C8orf74: variants seen among roughly 807,000 people sequenced by gnomAD.
The protein encoded by C8orf74 is uncharacterized protein C8orf74.
Under a neutral mutation model 22.2 loss-of-function variants are expected in C8orf74, and 29 were observed. The observed-to-expected ratio is 1.31, with a 90% CI of 0.97 to 1.78. The LOEUF is 1.78. Among genes scored for constraint, C8orf74 ranks in the 40% most tolerant of loss-of-function variants. The pLI is 0.00. For synonymous variants in C8orf74, 255 were observed against 163.1 expected, an observed-to-expected ratio of 1.56 and a Z score of -4.30; for missense variants, 515 against 369.9, an observed-to-expected ratio of 1.39 and a Z score of -3.22.
rs576547944 is a variant in C8orf74, at chr8:10,695,554, T to C, written c.242-2045T>C. Reference sequence around the variant, plus strand: ...TGCTAATATTTTCCCAAGACCATGATGTCTCCACCCCCTGGGTATTTTGGG... The same window carrying C: ...TGCTAATATTTTCCCAAGACCATGACGTCTCCACCCCCTGGGTATTTTGGG... On this transcript the variant is annotated intron_variant, in intron 2 of 3. Transcript: ENST00000304519. Among the ~76,000 whole-genome samples the C allele has an allele frequency of 5.9e-5, 9 of 152,194 alleles. 1 individual carries two copies. The highest frequency in any genetic ancestry group is 1.3e-4 in the Non-Finnish European group (9 of 68,042).
intron 2 of C8orf74, among the ~76,000 whole-genome samples, chr8:10,693,981 A>G (rs1228224418): frequency 6.6e-6 from 1 of 152,160 alleles, no homozygotes; most frequent in African/African-American, 2.4e-5. Flanking sequence ...GCTCCCACCC[A>G]GGCCAGGCTG....
chr8:10,694,416 A>T (rs1164707898), intron 2 of C8orf74, among the ~76,000 whole-genome samples: 1 of 152,140 alleles, frequency 6.6e-6, no homozygotes, highest in Non-Finnish European at 1.5e-5. Flanking sequence ...TGGGAGAAAG[A>T]TCCGTTCCTT....
At chr8:10,678,392 A>G (rs1303611305) in intron 2 of C8orf74, among the ~76,000 whole-genome samples, 1 of 152,174 alleles carries the variant, frequency 6.6e-6, no homozygotes, top group African/African-American at 2.4e-5. Flanking sequence ...TAGGAGACAC[A>G]AGGACCTGGG....
Position 10,700,290 on chromosome 8 carries a change from A to T in C8orf74, c.704A>T (p.Glu235Val), listed in dbSNP as rs1799626717. 1.2e-6 allele frequency: 2 copies of T among 1,613,394 alleles called. No homozygotes were observed. The highest frequency in any genetic ancestry group is 2.7e-5 in the African/African-American group (2 of 74,914). Reference protein sequence around the residue: ...AVHTQMELLQELLQRQIQNTF... With the variant: ...AVHTQMELLQVLLQRQIQNTF... ...CACACCCAGATGGAGCTCCTGCAGG[A>T]GCTGCTGCAGCGCCAGATCCAGAAC... is the stretch of plus-strand genomic sequence containing the variant. The change falls in exon 4 of 4, where the codon GAG becomes GTG. Residue 235 changes from glutamate to valine, a missense_variant. Physicochemically the swap from Glu to Val is moderately radical, Grantham distance 121. Coordinates refer to ENST00000304519, the MANE Select transcript of C8orf74 (RefSeq NM_001040032.2).
intron 2 of C8orf74, chr8:10,692,645 T>A (rs79678082): frequency 6.6e-6 from 1 of 152,262 alleles, no homozygotes; most frequent in African/African-American, 2.4e-5. Context: ...TAGCTGGGAC[T>A]AAAGGCATGC....
At chr8:10,693,246 C>T (rs1799422240) in intron 2 of C8orf74, among the ~76,000 whole-genome samples, 3 of 152,226 alleles carry the variant, frequency 2.0e-5, no homozygotes, top group Admixed American at 1.3e-4. Context: ...TGCTCCCCCT[C>T]TTGCCTTGCC....
At chr8:10,698,253 T>C (rs1393653014) in intron 3 of C8orf74, among the ~76,000 whole-genome samples, 1 of 152,088 alleles carries the variant, frequency 6.6e-6, no homozygotes, top group East Asian at 1.9e-4. Flanking sequence ...AGCTAGCATA[T>C]GGTAGAGTTC....
At chr8:10,691,096 A>C in intron 2 of C8orf74, 1 of 367,356 alleles carries the variant, frequency 2.7e-6, no homozygotes, top group Non-Finnish European at 5.5e-6. Flanking sequence ...TGTGTCTCAT[A>C]AGCCGGCTTC....
intron 2 of C8orf74, chr8:10,690,984 G>T: frequency 2.2e-6 from 1 of 455,146 alleles, no homozygotes; most frequent in South Asian, 1.6e-5. Context: ...CTGTCCGCCC[G>T]GCAGCCAGCG....
chr8:10,673,241 G>T (rs1202151027), intron 1 of C8orf74, among the ~76,000 whole-genome samples: 1 of 152,136 alleles, frequency 6.6e-6, no homozygotes, highest in East Asian at 1.9e-4. Context: ...TGGTGGGTGG[G>T]TCTCTGCTGC....
At chr8:10,678,025 G>A (rs577112553) in intron 2 of C8orf74, among the ~76,000 whole-genome samples, 32 of 152,288 alleles carry the variant, frequency 2.1e-4, no homozygotes, top group African/African-American at 7.5e-4. Context: ...CACCTTACGA[G>A]TTCCTCCTCT....
chr8:10,687,233 T>A (rs535607032), intron 2 of C8orf74: 8 of 404,442 alleles, frequency 2.0e-5, no homozygotes, highest in Non-Finnish European at 3.5e-5. Flanking sequence ...TGTCGCCTAA[T>A]CTCACGAGGT....
chr8:10,677,204 C>T (rs530401131), intron 2 of C8orf74, among the ~76,000 whole-genome samples: 1 of 152,160 alleles, frequency 6.6e-6, no homozygotes, highest in Non-Finnish European at 1.5e-5. Context: ...TACATGACCA[C>T]ACTCATCATT....
chr8:10,697,234 T>A (rs976615971), intron 2 of C8orf74, among the ~76,000 whole-genome samples: 7 of 151,646 alleles, frequency 4.6e-5, no homozygotes, highest in Admixed American at 3.3e-4. Flanking sequence ...AGCTCAGGAG[T>A]TCAGCCTGGG....
intron 2 of C8orf74, among the ~76,000 whole-genome samples, chr8:10,690,421 G>T (rs1048150279): frequency 6.6e-6 from 1 of 152,164 alleles, no homozygotes; most frequent in Non-Finnish European, 1.5e-5. Flanking sequence ...GCAATGCGGC[G>T]TGCGGGGGAT....
rs763537308 is a variant in C8orf74 at position 10,697,944 on chromosome 8, C to A, written c.587C>A (p.Ser196Ter). ...GCGCTGCGCCTGGAGCGGGAGAACT[C>A]GCTGCAGAAGGCGTTCGCTGCCGCC... The part of the protein sequence containing the change: ...KEALRLEREN[S>*]LQKAFAAAAP... The change falls in exon 3 of 4, where the codon TCG becomes TAG. Residue 196 changes from serine to a stop codon, truncating the protein, a stop_gained. Coordinates refer to ENST00000304519, the MANE Select transcript of C8orf74 (RefSeq NM_001040032.2). LOFTEE classifies it high-confidence loss of function. 2 of 1,576,360 alleles carry A rather than the reference C, an allele frequency of 1.3e-6. No homozygotes were observed. The highest frequency in any genetic ancestry group is 1.7e-6 in the Non-Finnish European group (2 of 1,162,458).
intron 3 of C8orf74, among the ~76,000 whole-genome samples, 196 bp downstream of exon 3, chr8:10,698,201 C>G (rs1196665635): frequency 2.0e-5 from 3 of 152,128 alleles, no homozygotes; most frequent in African/African-American, 7.2e-5. Context: ...AGTGATGAGA[C>G]GACTGAGGCG....
intron 2 of C8orf74, among the ~76,000 whole-genome samples, chr8:10,675,275 G>A (rs1284324811): frequency 6.6e-6 from 1 of 152,242 alleles, no homozygotes; most frequent in African/African-American, 2.4e-5. Context: ...GGGGGATGCA[G>A]TCAGGTGGGT....
chr8:10,672,833 G>C (rs970231293), intron 1 of C8orf74, 120 bp downstream of exon 1: 1 of 814,670 alleles, frequency 1.2e-6, no homozygotes, highest in Non-Finnish European at 2.0e-6. Flanking sequence ...GCTCAGCACA[G>C]CACCTCTGAG....
Sources: allele counts gnomAD v4.1 joint callset (sites outside exome capture counted in the v4.1 genomes callset), GRCh38; gene constraint gnomAD v4.1.1; transcripts MANE v1.5; gene names NCBI Gene and HGNC (gene_info 2026-07-23, HGNC 2026-07-21).